CACNA1S: variants seen among roughly 807,000 people sequenced by gnomAD.
The protein encoded by CACNA1S is voltage-dependent L-type calcium channel subunit alpha-1S.
Under a neutral mutation model 207.4 loss-of-function variants are expected in CACNA1S, and 126 were observed. The observed-to-expected ratio is 0.61, with a 90% CI of 0.53 to 0.70. The LOEUF (loss-of-function observed/expected upper bound fraction) is 0.70. Ranked by LOEUF, CACNA1S falls within the 30% of genes least tolerant of loss-of-function variation. The pLI is 0.00. For synonymous variants in CACNA1S, 960 were observed against 932.7 expected (o/e 1.03, Z -0.53); for missense variants, 2,349 against 2,422.8 (o/e 0.97, Z 0.64).
intron 17 of CACNA1S, 116 bp downstream of exon 17, chr1:201,070,156 A>C (rs938870903): frequency 8.8e-7 from 1 of 1,139,470 alleles, no homozygotes; most frequent in African/African-American, 1.5e-5. Context: ...AAGCTAAAAC[A>C]CTGAGTTTCT....
chr1:201,085,310 T>C (rs1410749095), intron 8 of CACNA1S, 126 bp downstream of exon 8: 6 of 1,337,910 alleles, frequency 4.5e-6, no homozygotes, highest in Non-Finnish European at 6.4e-6. Flanking sequence ...CATTTTGCTT[T>C]AGGCAAGTCA....
At chr1:201,059,827 C>T (rs1326120069) in intron 26 of CACNA1S, among the ~76,000 whole-genome samples, 1 of 152,248 alleles carries the variant, frequency 6.6e-6, no homozygotes, top group African/African-American at 2.4e-5. Context: ...GCCCCTGTCA[C>T]CTACCACTAT....
At chr1:201,087,745 C>A in intron 7 of CACNA1S, 81 bp downstream of exon 7, 13 of 771,522 alleles carry the variant, frequency 1.7e-5, no homozygotes, top group East Asian at 6.8e-5. Flanking sequence ...TGTTTCTTTT[C>A]CCTCCGTTCC....
chr1:201,064,338 A>G (rs1558064111), intron 22 of CACNA1S, among the ~76,000 whole-genome samples: 1 of 152,198 alleles, frequency 6.6e-6, no homozygotes, highest in African/African-American at 2.4e-5. Context: ...GTGGCCAGAC[A>G]CAATAAACAC....
intron 14 of CACNA1S, among the ~76,000 whole-genome samples, 191 bp downstream of exon 14, chr1:201,074,315 G>A (rs1315023517): frequency 2.0e-5 from 3 of 152,202 alleles, no homozygotes; most frequent in Non-Finnish European, 4.4e-5. Flanking sequence ...AGGCCAACTT[G>A]TCTCTGTTCT....
rs1339416724 is a variant in CACNA1S, at chr1:201,087,883, G to T, written c.947C>A (p.Thr316Asn). ...GAAGAAGGATCCCAGCAAAATGAGG[G>T]TGACAAAATAGATCCAGGGCCACTC... Reference protein sequence around the residue: ...GNEWPWIYFVTLILLGSFFIL... With the variant: ...GNEWPWIYFVNLILLGSFFIL... Residue 316 changes from threonine (T) to asparagine (N), a missense_variant, in exon 7 of 44, where the codon ACC (threonine) becomes AAC (asparagine). By Grantham distance (65) the Thr-to-Asn change is moderately conservative. Transcript: ENST00000362061. The T allele has an allele frequency of 6.2e-7, 1 of 1,613,966 alleles. No homozygotes were observed. Among genetic ancestry groups the T allele is most frequent in the East Asian group, 2.2e-5 (1 of 44,866 alleles).
At position 201,069,485 on chromosome 1, in the gene CACNA1S, G is replaced by T; in HGVS notation, c.2477C>A (p.Ser826Tyr). Residue 826 changes from serine to tyrosine, a missense_variant, in exon 18 of 44, where the codon TCC becomes TAC. Physicochemically the swap from Ser to Tyr is moderately radical, Grantham distance 144 (BLOSUM62 -2). Coordinates refer to ENST00000362061, the MANE Select transcript of CACNA1S (RefSeq NM_000069.3). ...GAAGCCCGTCACCTGATTTCTCATG[G>T]AATCAGCCCGGATGGGGTCTTCCGC... The part of the protein sequence containing the change: ...LAAEDPIRAD[S>Y]MRNQILKHFD... 1 of 1,604,192 alleles carries T rather than the reference G, an allele frequency of 6.2e-7. No individual in the cohort carries two copies. The highest frequency in any genetic ancestry group is 8.5e-7 in the Non-Finnish European group (1 of 1,176,556).
chr1:201,101,682 A>C (rs1558086314), intron 2 of CACNA1S, among the ~76,000 whole-genome samples: 1 of 152,208 alleles, frequency 6.6e-6, no homozygotes, highest in South Asian at 2.1e-4. Context: ...GCATGGACCA[A>C]CCTTGGGAGC....
At chr1:201,050,287 G>A in intron 34 of CACNA1S, 102 bp downstream of exon 34, 1 of 1,256,848 alleles carries the variant, frequency 8.0e-7, no homozygotes, top group Non-Finnish European at 1.2e-6. Context: ...GGGGGAAGGA[G>A]AAGCCCACTC....
At position 201,062,445 on chromosome 1, in the gene CACNA1S, C is replaced by T. The variant is rs202089480; in HGVS notation, c.2906+17G>A. The T allele has an allele frequency of 1.7e-4, 269 of 1,613,198 alleles. 2 individuals carry two copies. The Middle Eastern group carries it at 5.4e-3, about 33-fold the overall frequency. ...CCTGCCCCGTGACCGTCCCACTGTGCTCCCTGCCCCATGTACCTGCACTCC... is the reference window on the plus strand; with the variant it reads ...CCTGCCCCGTGACCGTCCCACTGTGTTCCCTGCCCCATGTACCTGCACTCC... On this transcript the variant is annotated intron_variant, in intron 23 of 43. Transcript: ENST00000362061.
intron 38 of CACNA1S, 109 bp from the exon 39 acceptor site, chr1:201,044,565 C>T (rs777086465): frequency 3.1e-4 from 408 of 1,310,386 alleles, no homozygotes; most frequent in Non-Finnish European, 4.1e-4. Context: ...GGCTGGAGTG[C>T]AGTGGCACAA....
At chr1:201,081,833 CT>C (rs1415905142) in intron 10 of CACNA1S, among the ~76,000 whole-genome samples, 1 of 152,118 alleles carries the variant, frequency 6.6e-6, no homozygotes, top group Non-Finnish European at 1.5e-5. Context: ...GGCACCTCCC[CT>C]CCCACTCTTT....
chr1:201,085,640 A>T (rs951255670), intron 7 of CACNA1S, 59 bp from the exon 8 acceptor site: 7 of 1,596,500 alleles, frequency 4.4e-6, no homozygotes, highest in Admixed American at 1.7e-5. Context: ...TCAAGGAAAG[A>T]CTGAGCTTCC....
intron 25 of CACNA1S, 109 bp from the exon 26 acceptor site, chr1:201,060,925 C>G: frequency 7.3e-7 from 1 of 1,376,324 alleles, no homozygotes; most frequent in Non-Finnish European, 1.0e-6. Context: ...TGGCCAGGGG[C>G]TGTGGCTGAG....
At chr1:201,061,550 C>T (rs1214611716) in intron 24 of CACNA1S, 82 bp from the exon 25 acceptor site, 5 of 1,355,974 alleles carry the variant, frequency 3.7e-6, no homozygotes, top group East Asian at 2.3e-5. Flanking sequence ...GGCTTTATCC[C>T]ACTGGCTGTG....
intron 2 of CACNA1S, among the ~76,000 whole-genome samples, chr1:201,105,883 G>A (rs938449814): frequency 1.3e-5 from 2 of 152,072 alleles, no homozygotes; most frequent in African/African-American, 2.4e-5. Context: ...TCGCACACAC[G>A]GCAACTGAGG....
chr1:201,046,409 G>A (rs1660469953), intron 38 of CACNA1S, among the ~76,000 whole-genome samples: 1 of 152,100 alleles, frequency 6.6e-6, no homozygotes, highest in Non-Finnish European at 1.5e-5. Context: ...TCAAACTCCT[G>A]ACCTCAAGTG....
chr1:201,069,891 A>T (rs1661390961), intron 17 of CACNA1S, among the ~76,000 whole-genome samples: 1 of 152,168 alleles, frequency 6.6e-6, no homozygotes, highest in East Asian at 1.9e-4. Flanking sequence ...TGAAAATGGG[A>T]CAGGCTGGTC....
At chr1:201,069,242 G>C in intron 18 of CACNA1S, 46 bp from the exon 19 acceptor site, 1 of 1,559,454 alleles carries the variant, frequency 6.4e-7, no homozygotes, top group Non-Finnish European at 8.8e-7. Context: ...AGGAGGAGGG[G>C]GCAACAGTAT....
Sources: allele counts gnomAD v4.1 joint callset (sites outside exome capture counted in the v4.1 genomes callset), GRCh38; gene constraint gnomAD v4.1.1; transcripts MANE v1.5; gene names NCBI Gene and HGNC (gene_info 2026-07-23, HGNC 2026-07-21).